The following TENM1 variants were observed in gnomAD, a reference collection of about 807,000 sequenced individuals.
TENM1 encodes teneurin transmembrane protein 1.
Under a neutral mutation model 174.8 loss-of-function variants are expected in TENM1, and 35 were observed. That is an observed-to-expected ratio of 0.20 (90% CI 0.15 to 0.27). The LOEUF (loss-of-function observed/expected upper bound fraction) is 0.27. TENM1 is among the 10% of genes least tolerant of loss of function. The pLI is 1.00. For synonymous variants in TENM1, 781 were observed against 798.7 expected (o/e 0.98, Z 0.37); for missense variants, 1,633 against 2,130.1 (o/e 0.77, Z 4.59).
At chrX:124,611,924 AACTTG>A (rs1331866475) in intron 11 of TENM1, among the ~76,000 whole-genome samples, 1 of 112,393 alleles carries the variant, frequency 8.9e-6, no homozygotes, top group African/African-American at 3.2e-5. Context: ...AGTACTAAGC[AACTTG>A]ACTTGCATGC....
the TENM1 span, among the ~76,000 whole-genome samples, chrX:125,191,949 G>GT: frequency 9.4e-6 from 1 of 105,921 alleles, no homozygotes; most frequent in Non-Finnish European, 1.9e-5. Flanking sequence ...TTTTTGTTTT[G>GT]TTTTTTGGCC....
chrX:124,447,726 C>T (rs2060980369), intron 23 of TENM1, among the ~76,000 whole-genome samples: 1 of 111,247 alleles, frequency 9.0e-6, no homozygotes, highest in South Asian at 3.8e-4. Context: ...ACCTAATTGC[C>T]AGGTCTCCTT....
At chrX:124,766,005 T>C (rs189443940) in intron 3 of TENM1, among the ~76,000 whole-genome samples, 44 of 112,192 alleles carry the variant, frequency 3.9e-4, no homozygotes, top group Non-Finnish European at 6.6e-4. Flanking sequence ...CTATGAAGTA[T>C]AGTCTCATTT....
At chrX:124,817,063 A>T (rs754681322) in intron 3 of TENM1, among the ~76,000 whole-genome samples, 1 of 109,662 alleles carries the variant, frequency 9.1e-6, no homozygotes, top group African/African-American at 3.3e-5. Flanking sequence ...AACAGGCCCC[A>T]ATGTGTGATG....
chrX:124,582,098 T>C (rs1264815514), intron 11 of TENM1, among the ~76,000 whole-genome samples: 1 of 111,366 alleles, frequency 9.0e-6, no homozygotes, highest in African/African-American at 3.3e-5. Flanking sequence ...TGTGTTCTCA[T>C]TGTTCAGCTA....
the TENM1 span, among the ~76,000 whole-genome samples, chrX:125,191,489 G>C: frequency 8.9e-6 from 1 of 111,789 alleles, no homozygotes; most frequent in African/African-American, 3.2e-5. Flanking sequence ...GAAAATGAAA[G>C]ACAATAAAGT....
the TENM1 span, among the ~76,000 whole-genome samples, chrX:125,019,752 T>C: frequency 1.8e-5 from 2 of 110,996 alleles, no homozygotes; most frequent in East Asian, 5.7e-4. Context: ...CCAAGTCTTC[T>C]TTTCTACAAA....
chrX:124,449,011 G>C (rs2060998680), intron 23 of TENM1, among the ~76,000 whole-genome samples: 1 of 111,735 alleles, frequency 8.9e-6, no homozygotes, highest in South Asian at 3.8e-4. Context: ...CTTGTTTTGA[G>C]CCAGTCTGGG....
At chrX:125,032,726 C>A in the TENM1 span, among the ~76,000 whole-genome samples, 15 of 111,182 alleles carry the variant, frequency 1.3e-4, no homozygotes, top group Non-Finnish European at 2.1e-4. Flanking sequence ...GCCACTCTCC[C>A]ATTTACTTTG....
chrX:125,103,921 C>T, the TENM1 span, among the ~76,000 whole-genome samples: 25 of 111,715 alleles, frequency 2.2e-4, no homozygotes, highest in South Asian at 3.8e-3. Flanking sequence ...ACCCGGAAGG[C>T]GGAGGTTGCA....
chrX:124,382,233 T>A (rs928587328), intron 31 of TENM1, among the ~76,000 whole-genome samples: 1 of 111,774 alleles, frequency 8.9e-6, no homozygotes, highest in Non-Finnish European at 1.9e-5. Flanking sequence ...CTTCATTGTG[T>A]TTATGTATTT....
chrX:124,822,316 T>C (rs1229380485), intron 3 of TENM1, among the ~76,000 whole-genome samples: 2 of 112,501 alleles, frequency 1.8e-5, no homozygotes, highest in African/African-American at 3.2e-5. Flanking sequence ...TGCTCACACC[T>C]CATGGACTGT....
At chrX:125,013,193 AT>A in the TENM1 span, among the ~76,000 whole-genome samples, 3,156 of 111,713 alleles carry the variant, frequency 0.028, 128 homozygotes, top group African/African-American at 0.098. Context: ...CCTGTTAGAC[AT>A]TTTATGAGGA....
Position 124,652,159 on chromosome X carries a change from C to T in TENM1, c.1369-35G>A, listed in dbSNP as rs369852525. 6.6e-4 allele frequency: 783 copies of T among 1,192,086 alleles called. 1 individual carries two copies. Among genetic ancestry groups the T allele is most frequent in the Non-Finnish European group, 5.3e-4 (466 of 885,651 alleles). On this transcript the variant is annotated intron_variant, in intron 7 of 31. Transcript: ENST00000422452. ...ATACAAACATGAAGATGAGCCACTA[C>T]TTTTTCTTCTAGACTGATAAACATC... is the stretch of plus-strand genomic sequence containing the variant.
intron 1 of TENM1, among the ~76,000 whole-genome samples, chrX:124,927,242 A>G (rs1020484158): frequency 1.8e-5 from 2 of 111,164 alleles, no homozygotes; most frequent in African/African-American, 6.5e-5. Context: ...CTGGCAATAA[A>G]CCATAGTTCT....
At chrX:125,191,870 T>C in the TENM1 span, among the ~76,000 whole-genome samples, 2 of 111,609 alleles carry the variant, frequency 1.8e-5, no homozygotes, top group Admixed American at 1.9e-4. Context: ...TGGGAAGTGA[T>C]GAAGACATGA....
At chrX:125,079,819 C>G in the TENM1 span, among the ~76,000 whole-genome samples, 1 of 111,613 alleles carries the variant, frequency 9.0e-6, no homozygotes, top group Non-Finnish European at 1.9e-5. Context: ...CAGCTGTGCA[C>G]TCACATCTGT....
intron 11 of TENM1, among the ~76,000 whole-genome samples, chrX:124,624,491 T>C (rs945240541): frequency 4.4e-5 from 5 of 112,385 alleles, no homozygotes; most frequent in Admixed American, 2.8e-4. Context: ...GTCTGTGTAA[T>C]AGACACTATT....
intron 8 of TENM1, among the ~76,000 whole-genome samples, chrX:124,651,149 C>T (rs1162933095): frequency 1.8e-5 from 2 of 111,585 alleles, no homozygotes; most frequent in African/African-American, 3.3e-5. Flanking sequence ...TCACACAATA[C>T]GATACTGTGT....
Sources: allele counts gnomAD v4.1 joint callset (sites outside exome capture counted in the v4.1 genomes callset), GRCh38; gene constraint gnomAD v4.1.1; transcripts MANE v1.5; gene names NCBI Gene and HGNC (gene_info 2026-07-23, HGNC 2026-07-21).